COL21A1: variants seen among roughly 807,000 people sequenced by gnomAD.
COL21A1 encodes collagen alpha-1(XXI) chain.
In COL21A1, 149 loss-of-function variants were observed where a neutral mutation model predicts 137.9. The observed-to-expected ratio is 1.08, with a 90% CI of 0.95 to 1.24. The LOEUF (loss-of-function observed/expected upper bound fraction) is 1.24, where lower values mean the gene tolerates loss of function less well. Among genes scored for constraint, COL21A1 ranks in the 50% most tolerant of loss-of-function variants. The pLI, the probability that COL21A1 is intolerant of heterozygous loss-of-function variation, is 0.00. For missense variants in COL21A1, 1,167 were observed against 1,158.4 expected, an observed-to-expected ratio of 1.01 and a Z score of -0.11; for synonymous variants, 456 against 391.5, an observed-to-expected ratio of 1.16 and a Z score of -1.95.
intron 1 of COL21A1, among the ~76,000 whole-genome samples, chr6:56,256,713 C>A (rs908735239): frequency 2.0e-5 from 3 of 151,978 alleles, no homozygotes; most frequent in African/African-American, 7.3e-5. Context: ...ATTTTAAAAA[C>A]CCCTTTTTTA....
chr6:56,101,604 A>ATATTGT, intron 16 of COL21A1, 79 bp from the exon 17 acceptor site: 1 of 976,028 alleles, frequency 1.0e-6, no homozygotes, highest in Non-Finnish European at 1.6e-6. Flanking sequence ...ATAACATTAC[A>ATATTGT]TATTAAAGAA....
intron 1 of COL21A1, among the ~76,000 whole-genome samples, chr6:56,362,602 T>C (rs1581775314): frequency 6.6e-6 from 1 of 152,270 alleles, no homozygotes; most frequent in Middle Eastern, 3.4e-3. Context: ...CTTCTCGGCC[T>C]TTCCTTCAAA....
At chr6:56,298,950 A>T (rs780069048) in intron 1 of COL21A1, among the ~76,000 whole-genome samples, 14 of 152,298 alleles carry the variant, frequency 9.2e-5, no homozygotes, top group Middle Eastern at 6.8e-3. Flanking sequence ...ATTCAAAGTC[A>T]TAGTATCAAA....
intron 1 of COL21A1, among the ~76,000 whole-genome samples, chr6:56,236,628 T>A (rs984969996): frequency 6.6e-5 from 10 of 152,014 alleles, no homozygotes; most frequent in Non-Finnish European, 1.2e-4. Flanking sequence ...AAACAGATGA[T>A]ATCTTCCACA....
At chr6:56,174,918 A>G (rs1305755100) in intron 3 of COL21A1, among the ~76,000 whole-genome samples, 1 of 152,208 alleles carries the variant, frequency 6.6e-6, no homozygotes, top group African/African-American at 2.4e-5. Context: ...TAAAACACTA[A>G]CAAACTGAAT....
At chr6:56,101,197 C>T (rs1391979372) in intron 17 of COL21A1, among the ~76,000 whole-genome samples, 1 of 152,158 alleles carries the variant, frequency 6.6e-6, no homozygotes, top group Non-Finnish European at 1.5e-5. Context: ...GGCTCAGCAA[C>T]AGACCATGAT....
intron 20 of COL21A1, among the ~76,000 whole-genome samples, chr6:56,072,905 G>A (rs1766878443): frequency 6.6e-6 from 1 of 150,802 alleles, no homozygotes; most frequent in Admixed American, 6.6e-5. Flanking sequence ...AGCACAAGAT[G>A]CAGAAAACCA....
At position 56,266,324 on chromosome 6, in the gene COL21A1, C is replaced by A. The variant is rs1763389429; in HGVS notation, c.-38-83668G>T. Among the ~76,000 whole-genome samples the A allele has an allele frequency of 2.0e-5, 3 of 152,172 alleles. No individual in the cohort carries two copies. In the South Asian group the frequency reaches 6.2e-4, roughly 32 times the overall value. Reference sequence around the variant, plus strand: ...GAGCTGGCAAACTACAGCCTTTGGACCAAATCTAGGCTGGTACCTGTGTTT... The same window carrying A: ...GAGCTGGCAAACTACAGCCTTTGGAACAAATCTAGGCTGGTACCTGTGTTT... On this transcript the variant is annotated intron_variant, in intron 1 of 28. Transcript: ENST00000370819.
intron 1 of COL21A1, among the ~76,000 whole-genome samples, chr6:56,367,733 GT>G (rs1006959699): frequency 6.6e-6 from 1 of 152,006 alleles, no homozygotes; most frequent in African/African-American, 2.4e-5. Flanking sequence ...ACAATTTTTT[GT>G]TTTTTTGTAT....
chr6:56,067,895 G>GA lies in COL21A1; in HGVS notation c.2092-566dup, dbSNP rs569476684. 6.6e-5 allele frequency among the ~76,000 whole-genome samples: 10 copies of GA among 151,688 alleles called. No homozygotes were observed. In the East Asian group the frequency reaches 9.7e-4, roughly 15 times the overall value. On this transcript the variant is annotated intron_variant, in intron 22 of 29. Transcript: ENST00000244728. ...CAATGCCCTTGTTTTTATAGATAAT[G>GA]AAACAGCCAGTTAAGCACCTGCCCA...
intron 16 of COL21A1, among the ~76,000 whole-genome samples, chr6:56,112,663 A>C (rs1582387936): frequency 6.6e-6 from 1 of 151,248 alleles, no homozygotes; most frequent in Admixed American, 6.6e-5. Context: ...CCCACAGAAG[A>C]AGTTTTTTTT....
chr6:56,320,765 C>A (rs1303964349), intron 1 of COL21A1, among the ~76,000 whole-genome samples: 2 of 152,148 alleles, frequency 1.3e-5, no homozygotes, highest in East Asian at 3.8e-4. Context: ...AACCCTAATA[C>A]CTTTCTAAAA....
intron 12 of COL21A1, among the ~76,000 whole-genome samples, chr6:56,139,185 G>A (rs1303674238): frequency 6.6e-6 from 1 of 152,078 alleles, no homozygotes; most frequent in African/African-American, 2.4e-5. Context: ...CAAAAATTTT[G>A]CCTTAAGTAA....
intron 1 of COL21A1, among the ~76,000 whole-genome samples, chr6:56,320,359 T>C (rs9654596): frequency 0.29 from 44,786 of 151,912 alleles, 6,971 homozygotes; most frequent in Non-Finnish European, 0.35. Flanking sequence ...CCTCTCTGCT[T>C]CTTTCCTTGT....
At chr6:56,366,850 A>T (rs967240886) in intron 1 of COL21A1, among the ~76,000 whole-genome samples, 1 of 152,230 alleles carries the variant, frequency 6.6e-6, no homozygotes, top group African/African-American at 2.4e-5. Flanking sequence ...TTTCATTCCC[A>T]TTGGGCCAGT....
chr6:56,101,615 C>T (rs1770464794), intron 16 of COL21A1, 90 bp from the exon 17 acceptor site: 1 of 888,052 alleles, frequency 1.1e-6, no homozygotes, highest in East Asian at 2.7e-5. Flanking sequence ...TATTAAAGAA[C>T]ATTAAATACA....
intron 1 of COL21A1, among the ~76,000 whole-genome samples, chr6:56,314,849 A>C (rs1008138144): frequency 6.6e-6 from 1 of 152,208 alleles, no homozygotes; most frequent in African/African-American, 2.4e-5. Context: ...AGAAAGTTGC[A>C]GTGCAGTAAC....
At chr6:56,260,589 AAGAAG>A (rs1562028666) in intron 1 of COL21A1, among the ~76,000 whole-genome samples, 1 of 30,516 alleles carries the variant, frequency 3.3e-5, no homozygotes, top group Non-Finnish European at 9.1e-5. Context: ...AAAAAGAAAG[AAGAAG>A]AAGAAGAAGA....
intron 1 of COL21A1, among the ~76,000 whole-genome samples, chr6:56,231,418 G>A (rs190776629): frequency 1.5e-3 from 223 of 151,840 alleles, no homozygotes; most frequent in African/African-American, 4.6e-3. Context: ...AGCTAGGTGT[G>A]GGTAAAAGAG....
Sources: gnomAD v4.1 joint callset for allele counts (sites outside exome capture counted in the v4.1 genomes callset) on GRCh38, gnomAD v4.1.1 for gene constraint, MANE v1.5 for transcripts, NCBI Gene and HGNC (gene_info 2026-07-23, HGNC 2026-07-21) for gene names.